PCDHA11: variants seen among roughly 807,000 people sequenced by gnomAD.
PCDHA11 encodes protocadherin alpha-11.
In PCDHA11, 61 loss-of-function variants were observed where a neutral mutation model predicts 70.3. The observed-to-expected ratio is 0.87, with a 90% confidence interval of 0.71 to 1.07. The LOEUF is 1.07. PCDHA11 is among the 50% of genes least tolerant of loss of function. The pLI is 0.00. For synonymous variants in PCDHA11, 633 were observed against 555.1 expected (o/e 1.14, Z -1.97); for missense variants, 1,324 against 1,237.5 (o/e 1.07, Z -1.05).
intron 1 of PCDHA11, among the ~76,000 whole-genome samples, chr5:140,940,840 A>T (rs1554213622): frequency 2.0e-5 from 3 of 152,222 alleles, no homozygotes; most frequent in Non-Finnish European, 1.5e-5. Context: ...ACCTTTCTTC[A>T]CGATAGATTT....
chr5:140,967,842 A>G (rs1239466478), intron 1 of PCDHA11: 1 of 1,614,042 alleles, frequency 6.2e-7, no homozygotes, highest in Non-Finnish European at 8.5e-7. Flanking sequence ...GTGGACGTGA[A>G]TGACAATGCC....
At chr5:140,948,543 T>C (rs1226242016) in intron 1 of PCDHA11, among the ~76,000 whole-genome samples, 2 of 151,702 alleles carry the variant, frequency 1.3e-5, no homozygotes, top group Non-Finnish European at 3.0e-5. Flanking sequence ...TTTCATGCTC[T>C]GTCAATTTTG....
At chr5:140,940,822 A>G (rs1446773813) in intron 1 of PCDHA11, among the ~76,000 whole-genome samples, 9 of 152,200 alleles carry the variant, frequency 5.9e-5, no homozygotes, top group Admixed American at 3.9e-4. Context: ...GAGATCTTGG[A>G]TGGAAATACC....
intron 1 of PCDHA11, chr5:140,883,909 C>T: frequency 6.2e-7 from 1 of 1,613,472 alleles, no homozygotes; most frequent in Non-Finnish European, 8.5e-7. Flanking sequence ...CTCTGGGCAG[C>T]AACGTGACGC....
intron 1 of PCDHA11, among the ~76,000 whole-genome samples, chr5:140,895,983 G>A (rs1186137755): frequency 1.3e-5 from 2 of 151,942 alleles, no homozygotes; most frequent in Non-Finnish European, 2.9e-5. Context: ...GCTAATTTTT[G>A]TATTTTAAGT....
chr5:140,913,276 CT>C (rs1468388675), intron 1 of PCDHA11, among the ~76,000 whole-genome samples: 1 of 152,070 alleles, frequency 6.6e-6, no homozygotes, highest in Non-Finnish European at 1.5e-5. Flanking sequence ...TGTTATTGGT[CT>C]GTTTAGGTTT....
chr5:140,963,021 G>A (rs2095729854), intron 1 of PCDHA11, among the ~76,000 whole-genome samples: 1 of 152,150 alleles, frequency 6.6e-6, no homozygotes, highest in Non-Finnish European at 1.5e-5. Flanking sequence ...AGAAAATGAA[G>A]CAATTAACAT....
intron 1 of PCDHA11, among the ~76,000 whole-genome samples, chr5:140,915,441 A>G (rs2077120331): frequency 6.6e-6 from 1 of 152,052 alleles, no homozygotes; most frequent in African/African-American, 2.4e-5. Context: ...GTCCTTCTTG[A>G]GAAGGTTTTC....
intron 1 of PCDHA11, among the ~76,000 whole-genome samples, chr5:140,923,770 G>C (rs1554201580): frequency 6.6e-6 from 1 of 152,152 alleles, no homozygotes; most frequent in East Asian, 1.9e-4. Context: ...AATCCTACTG[G>C]GTGGATGGTT....
At chr5:140,888,673 A>T (rs571585641) in intron 1 of PCDHA11, among the ~76,000 whole-genome samples, 1 of 152,298 alleles carries the variant, frequency 6.6e-6, no homozygotes, top group Admixed American at 6.5e-5. Context: ...TGCCCTGTGC[A>T]TTAAGAGGTC....
intron 1 of PCDHA11, among the ~76,000 whole-genome samples, chr5:140,910,488 A>G (rs1195141583): frequency 2.0e-5 from 3 of 152,232 alleles, no homozygotes; most frequent in African/African-American, 7.2e-5. Flanking sequence ...CATACAGAGA[A>G]GAGCAATCAC....
chr5:140,990,518 T>G (rs2097397992), intron 3 of PCDHA11, among the ~76,000 whole-genome samples: 1 of 152,314 alleles, frequency 6.6e-6, no homozygotes, highest in South Asian at 2.1e-4. Context: ...CTCTCTTGTC[T>G]TTTTTGACTG....
At chr5:140,899,814 G>A (rs1212568701) in intron 1 of PCDHA11, among the ~76,000 whole-genome samples, 8 of 152,012 alleles carry the variant, frequency 5.3e-5, no homozygotes, top group African/African-American at 7.2e-5. Flanking sequence ...ATTTTGTTTT[G>A]TTTTTCCTTT....
intron 1 of PCDHA11, among the ~76,000 whole-genome samples, chr5:140,903,212 A>C (rs1387552422): frequency 6.6e-6 from 1 of 152,192 alleles, no homozygotes; most frequent in African/African-American, 2.4e-5. Flanking sequence ...CACCACATTC[A>C]TGCCAACATC....
Position 140,876,427 on chromosome 5 carries a change from C to T in PCDHA11, c.2391+4933C>T, listed in dbSNP as rs267600399. 4 of 1,613,798 alleles carry T rather than the reference C, an allele frequency of 2.5e-6. No homozygotes were observed. The African/African-American group carries it at 5.3e-5, about 22-fold the overall frequency. On this transcript the variant is annotated intron_variant, in intron 1 of 3. Coordinates refer to ENST00000398640, the MANE Select transcript of PCDHA11 (RefSeq NM_018902.5). ...TGAAGAGAATAATGCCTATGAAATT[C>T]AGGTTAACGCCATTGATAAAGGGAT...
At position 141,010,550 on chromosome 5, in the gene PCDHA11, ACCCC is replaced by A; in HGVS notation, c.*615_*618del. 6.3e-6 allele frequency: 2 copies of A among 316,712 alleles called. No homozygotes were observed. Among genetic ancestry groups the A allele is most frequent in the South Asian group, 1.1e-4 (2 of 17,516 alleles). The allele number at this position is 316,712 out of a possible 1,614,324, so 19.6% of individuals were successfully genotyped here. A position where few individuals can be genotyped will look rare whatever the true frequency, so the allele number is the denominator to read the frequency against. On this transcript the variant is annotated 3_prime_UTR_variant, in exon 4 of 4. Coordinates refer to ENST00000398640, the MANE Select transcript of PCDHA11 (RefSeq NM_018902.5). ...CAGCCACCCTCTAGGAGACAAAACT[ACCCC>A]CACTGACAAGGCTTTAGGAGACCCT...
At chr5:140,884,213 G>C in intron 1 of PCDHA11, 1 of 1,613,532 alleles carries the variant, frequency 6.2e-7, no homozygotes, top group East Asian at 2.2e-5. Flanking sequence ...CCGCCTTCTG[G>C]TGCTGGTGAA....
intron 1 of PCDHA11, among the ~76,000 whole-genome samples, chr5:140,976,377 C>T (rs1472568038): frequency 2.0e-5 from 3 of 151,896 alleles, no homozygotes; most frequent in Admixed American, 6.6e-5. Flanking sequence ...ATGGTGAAAC[C>T]CCATCTCTAC....
intron 1 of PCDHA11, among the ~76,000 whole-genome samples, chr5:140,953,105 G>A (rs191289853): frequency 5.3e-5 from 8 of 152,214 alleles, no homozygotes; most frequent in Non-Finnish European, 1.2e-4. Flanking sequence ...ATGAGATTTG[G>A]GCAGGGACAC....
Sources: allele counts gnomAD v4.1 joint callset (sites outside exome capture counted in the v4.1 genomes callset), GRCh38; gene constraint gnomAD v4.1.1; transcripts MANE v1.5; gene names NCBI Gene and HGNC (gene_info 2026-07-23, HGNC 2026-07-21).